CACNA1C: variants seen among roughly 807,000 people sequenced by gnomAD.
The protein encoded by CACNA1C is voltage-dependent L-type calcium channel subunit alpha-1C.
Under a neutral mutation model 229.0 loss-of-function variants are expected in CACNA1C, and 30 were observed. The observed-to-expected ratio is 0.13, with a 90% confidence interval of 0.10 to 0.18. CACNA1C has a LOEUF of 0.18. Among genes scored for constraint, CACNA1C ranks in the 10% least tolerant of loss-of-function variants. The pLI, the probability that CACNA1C is intolerant of heterozygous loss-of-function variation, is 1.00. For missense variants in CACNA1C, 1,658 were observed against 2,845.0 expected, an observed-to-expected ratio of 0.58 and a Z score of 9.49; for synonymous variants, 1,114 against 1,132.5, an observed-to-expected ratio of 0.98 and a Z score of 0.33.
At chr12:2,337,418 C>T (rs2096731905) in intron 3 of CACNA1C, among the ~76,000 whole-genome samples, 1 of 152,218 alleles carries the variant, frequency 6.6e-6, no homozygotes, top group Non-Finnish European at 1.5e-5. Context: ...GGTCACAGTG[C>T]TCACCAGCCC....
At chr12:2,015,861 G>C (rs2154485200) in intron 1 of CACNA1C, among the ~76,000 whole-genome samples, 1 of 152,280 alleles carries the variant, frequency 6.6e-6, no homozygotes, top group East Asian at 1.9e-4. Flanking sequence ...ATAAAATGAG[G>C]TTGCTAATCA....
rs1476050138 is a variant in CACNA1C, at chr12:2,691,003, T to C, written c.6221T>C (p.Met2074Thr). The C allele has an allele frequency of 8.7e-6, 14 of 1,600,398 alleles. No individual in the cohort carries two copies. In the Admixed American group the frequency reaches 2.1e-4, roughly 24 times the overall value. Residue 2074 changes from methionine to threonine, a missense_variant, in exon 47 of 47, where the codon ATG becomes ACG. Around this residue, in one of 20 missense-constraint regions of CACNA1C, gnomAD observed 590 missense variants for 700.8 expected, o/e 0.84. Transcript: ENST00000399655. ...ADACDMTIEEMESAADNILSG... is the reference protein window; with the variant it reads ...ADACDMTIEETESAADNILSG... The stretch of plus-strand genomic sequence containing the variant: ...GCCTGCGACATGACCATAGAGGAGA[T>C]GGAGAGCGCGGCCGACAACATCCTC...
rs536973347 is a variant in CACNA1C at position 2,167,725 on chromosome 12, A to G, written c.477+47295A>G. Among the ~76,000 whole-genome samples, 4 of 152,122 alleles carry G rather than the reference A, an allele frequency of 2.6e-5. No individual in the cohort carries two copies. In the East Asian group the frequency reaches 5.8e-4, roughly 22 times the overall value. On this transcript the variant is annotated intron_variant, in intron 3 of 46. Coordinates refer to ENST00000399655, the MANE Select transcript of CACNA1C (RefSeq NM_000719.7). ...TCTCCTTTTGGGGATTTCTGCTTCC[A>G]TTTTCCAGCTGCCCCAACCATTTGC...
intron 3 of CACNA1C, among the ~76,000 whole-genome samples, chr12:2,155,871 A>AT (rs1431927879): frequency 1.3e-5 from 2 of 152,104 alleles, no homozygotes; most frequent in African/African-American, 2.4e-5. Context: ...GAACCTGAGG[A>AT]TTTTTTATCT....
intron 9 of CACNA1C, among the ~76,000 whole-genome samples, chr12:2,514,776 T>G (rs2099792790): frequency 6.6e-6 from 1 of 151,488 alleles, no homozygotes; most frequent in Non-Finnish European, 1.5e-5. Flanking sequence ...AACAGAACGT[T>G]GCTATTCTGT....
chr12:2,070,681 G>T (rs1181207136), intron 1 of CACNA1C, among the ~76,000 whole-genome samples: 1 of 152,142 alleles, frequency 6.6e-6, no homozygotes, highest in Non-Finnish European at 1.5e-5. Flanking sequence ...TTTTTGAAAA[G>T]ATATATTAGT....
chr12:2,558,350 C>T, intron 11 of CACNA1C, among the ~76,000 whole-genome samples: 1 of 140,860 alleles, frequency 7.1e-6, no homozygotes, highest in African/African-American at 2.7e-5. Context: ...TGCTGGAGTC[C>T]ATGCCCTTAG....
upstream of CACNA1C, among the ~76,000 whole-genome samples, chr12:2,048,139 C>T (rs888241657): frequency 6.6e-6 from 1 of 152,194 alleles, no homozygotes; most frequent in Non-Finnish European, 1.5e-5. Context: ...TGTCCACCTT[C>T]CAGAGGCTCC....
At chr12:2,366,645 A>C (rs1295459799) in intron 3 of CACNA1C, among the ~76,000 whole-genome samples, 6 of 152,220 alleles carry the variant, frequency 3.9e-5, no homozygotes, top group Non-Finnish European at 8.8e-5. Flanking sequence ...GATAAAACAA[A>C]AGTATACTCT....
At chr12:2,643,922 AGCT>A (rs2153616812) in intron 30 of CACNA1C, among the ~76,000 whole-genome samples, 1 of 152,242 alleles carries the variant, frequency 6.6e-6, no homozygotes, top group South Asian at 2.1e-4. Flanking sequence ...CAACAGAACC[AGCT>A]GTTGTGTCTT....
In CACNA1C at chr12:2,693,967, G is replaced by T. The variant is rs749427218; in HGVS notation, c.*2768G>T. 2 of 152,124 alleles carry T rather than the reference G, an allele frequency of 1.3e-5. No individual in the cohort carries two copies. The highest frequency in any genetic ancestry group is 2.9e-5 in the Non-Finnish European group (2 of 68,042). The allele number at this position is 152,124 out of a possible 1,614,324, so 9.4% of individuals were successfully genotyped here. Reference sequence around the variant, plus strand: ...TGGAGAAATGTACTCAATACTCCCCGGTTAACACAGTCTAGAAACAGAGTT... The same window carrying T: ...TGGAGAAATGTACTCAATACTCCCCTGTTAACACAGTCTAGAAACAGAGTT... On this transcript the variant is annotated 3_prime_UTR_variant, in exon 47 of 47. Transcript: ENST00000399655.
Position 2,608,573 on chromosome 12 carries a change from T to C in CACNA1C, c.3419T>C (p.Val1140Ala). ...AAGGGCCCCATCTACAACTACCGTG[T>C]GGAGATCTCCATCTTCTTCATCATC... The part of the protein sequence containing the change: ...EDKGPIYNYR[V>A]EISIFFIIYI... Residue 1140 changes from valine to alanine, a missense_variant, in exon 27 of 47, where the codon GTG becomes GCG. Physicochemically the swap from Val to Ala is moderately conservative, Grantham distance 64. Coordinates refer to ENST00000399655, the MANE Select transcript of CACNA1C (RefSeq NM_000719.7). The surrounding 1 kb of genome is among the most constrained non-coding windows in gnomAD (Gnocchi z 4.2). 1 of 1,613,940 alleles carries C rather than the reference T, an allele frequency of 6.2e-7. No individual in the cohort carries two copies. Among genetic ancestry groups the C allele is most frequent in the Non-Finnish European group, 8.5e-7 (1 of 1,179,858 alleles).
intron 3 of CACNA1C, among the ~76,000 whole-genome samples, chr12:2,407,268 CCGACACCA>C: frequency 6.6e-6 from 1 of 152,238 alleles, no homozygotes; most frequent in African/African-American, 2.4e-5. Context: ...ATCGTCTCCA[CCGACACCA>C]TGTGGGTACT....
chr12:2,538,358 G>T (rs1057492913), intron 9 of CACNA1C, among the ~76,000 whole-genome samples: 4 of 152,222 alleles, frequency 2.6e-5, no homozygotes, highest in African/African-American at 9.6e-5. Flanking sequence ...GCAGGAAGTT[G>T]TTGAGAAGGT....
At chr12:2,214,428 G>A (rs1159163621) in intron 3 of CACNA1C, among the ~76,000 whole-genome samples, 1 of 152,124 alleles carries the variant, frequency 6.6e-6, no homozygotes, top group East Asian at 1.9e-4. Context: ...ATAAAATCAT[G>A]GTTCAATAAA....
chr12:2,186,924 G>T (rs2097041404), intron 3 of CACNA1C, among the ~76,000 whole-genome samples: 1 of 151,956 alleles, frequency 6.6e-6, no homozygotes. Flanking sequence ...TTGCCTTCCT[G>T]GTGCTGCACC....
At chr12:2,528,466 G>A (rs970868696) in intron 9 of CACNA1C, among the ~76,000 whole-genome samples, 23 of 152,178 alleles carry the variant, frequency 1.5e-4, no homozygotes, top group Non-Finnish European at 7.3e-5. Flanking sequence ...CCTGCACCCT[G>A]AAAGCCAGCC....
chr12:2,383,295 C>T (rs1267326511), intron 3 of CACNA1C, among the ~76,000 whole-genome samples: 5 of 152,124 alleles, frequency 3.3e-5, no homozygotes, highest in Admixed American at 6.5e-5. Flanking sequence ...CGGGTTGTCT[C>T]GTGGCGATGC....
intron 3 of CACNA1C, among the ~76,000 whole-genome samples, chr12:2,340,603 G>C (rs537921516): frequency 3.9e-5 from 6 of 152,300 alleles, no homozygotes; most frequent in South Asian, 2.1e-4. Context: ...AGAGGGATCC[G>C]GAGGGTCCCT....
Sources: allele counts gnomAD v4.1 joint callset (sites outside exome capture counted in the v4.1 genomes callset), GRCh38; gene constraint gnomAD v4.1.1; regional missense constraint gnomAD v4.1.1; non-coding constraint Gnocchi (gnomAD v3.1); transcripts MANE v1.5; gene names NCBI Gene and HGNC (gene_info 2026-07-23, HGNC 2026-07-21).